Variants in TTC39C observed in about 807,000 individuals in gnomAD.
TTC39C encodes the protein tetratricopeptide repeat protein 39C.
A neutral mutation model predicts 76.3 loss-of-function variants in TTC39C; 33 were observed. The ratio of observed to expected loss-of-function variants is 0.43; its 90% CI spans 0.33 to 0.58. TTC39C has a LOEUF of 0.58. TTC39C is among the 20% of genes least tolerant of loss of function. The pLI, the probability that TTC39C is intolerant of heterozygous loss-of-function variation, is 0.04. For synonymous variants in TTC39C, 254 were observed against 260.6 expected (o/e 0.97, Z 0.24); for missense variants, 595 against 701.4 (o/e 0.85, Z 1.71).
intron 1 of TTC39C, among the ~76,000 whole-genome samples, chr18:24,039,719 G>A (rs1647128804): frequency 6.6e-6 from 1 of 152,200 alleles, no homozygotes; most frequent in African/African-American, 2.4e-5. Flanking sequence ...AAGCCTGGAG[G>A]AAAGAAAACA....
chr18:24,123,805 T>C, intron 8 of TTC39C, 29 bp from the exon 9 acceptor site: 1 of 1,547,832 alleles, frequency 6.5e-7, no homozygotes. Context: ...TGACTTGTAC[T>C]TAAGAAATAT....
rs2084917737 is a variant in TTC39C, at chr18:24,118,006, T to C, written c.1079-119T>C. On this transcript the variant is annotated intron_variant, in intron 7 of 13. Transcript: ENST00000317571. ...TTCTTAGGTTTTCAGGTTAAACTTT[T>C]TTACGCATTTCATAGAACATGCACA... is the stretch of plus-strand genomic sequence containing the variant. 3 of 671,878 alleles carry C rather than the reference T, an allele frequency of 4.5e-6. No individual in the cohort carries two copies. The East Asian group carries it at 9.3e-5, about 21-fold the overall frequency. The allele number at this position is 671,878 out of a possible 1,614,324, so 41.6% of individuals were successfully genotyped here. A position where few individuals can be genotyped will look rare whatever the true frequency, so the allele number is the denominator to read the frequency against.
intron 1 of TTC39C, among the ~76,000 whole-genome samples, chr18:24,031,913 C>T (rs947035723): frequency 3.9e-5 from 6 of 151,962 alleles, no homozygotes; most frequent in African/African-American, 9.7e-5. Flanking sequence ...GGGATTATCC[C>T]GGATTATCTC....
intron 1 of TTC39C, among the ~76,000 whole-genome samples, chr18:24,028,912 G>A (rs768287768): frequency 4.0e-5 from 6 of 151,824 alleles, no homozygotes; most frequent in African/African-American, 1.5e-4. Context: ...TAGTAGAGAC[G>A]GGGTTTCACC....
At chr18:24,007,922 G>C (rs2083366784) in intron 1 of TTC39C, among the ~76,000 whole-genome samples, 1 of 152,084 alleles carries the variant, frequency 6.6e-6, no homozygotes, top group Admixed American at 6.5e-5. Flanking sequence ...AAATTGTATA[G>C]GTTCTAATAA....
chr18:24,046,002 A>C (rs975387630), intron 1 of TTC39C, among the ~76,000 whole-genome samples: 4 of 131,470 alleles, frequency 3.0e-5, no homozygotes, highest in Non-Finnish European at 1.5e-5. Flanking sequence ...GCGACGGCAC[A>C]ATCTCTGCTC....
At chr18:24,056,933 T>C (rs2084023924) in intron 1 of TTC39C, among the ~76,000 whole-genome samples, 1 of 152,178 alleles carries the variant, frequency 6.6e-6, no homozygotes, top group African/African-American at 2.4e-5. Flanking sequence ...TCCTCCTGCC[T>C]CAGCCTCCGG....
intron 6 of TTC39C, among the ~76,000 whole-genome samples, chr18:24,103,251 A>T (rs146237223): frequency 8.9e-4 from 135 of 152,380 alleles, no homozygotes; most frequent in African/African-American, 3.0e-3. Context: ...AACGTCTTGC[A>T]TTCCAGAAAT....
intron 1 of TTC39C, among the ~76,000 whole-genome samples, chr18:24,004,512 CTCCTT>C (rs1261933920): frequency 6.6e-6 from 1 of 152,158 alleles, no homozygotes; most frequent in African/African-American, 2.4e-5. Flanking sequence ...TGTCCACATC[CTCCTT>C]CCATCCTTAG....
At chr18:24,045,575 T>C (rs2083858675) in intron 1 of TTC39C, among the ~76,000 whole-genome samples, 3 of 150,278 alleles carry the variant, frequency 2.0e-5, no homozygotes, top group Admixed American at 6.6e-5. Flanking sequence ...ATTTCTACTC[T>C]GGAACGTAAA....
chr18:24,061,593 T>TG (rs1344347027), intron 1 of TTC39C, among the ~76,000 whole-genome samples: 3,538 of 95,716 alleles, frequency 0.037, 91 homozygotes, highest in South Asian at 0.14. Flanking sequence ...TTGAAATAAG[T>TG]AAAAAAAAAA....
intron 5 of TTC39C, 94 bp from the exon 6 acceptor site, chr18:24,082,819 A>G: frequency 7.8e-7 from 1 of 1,276,696 alleles, no homozygotes; most frequent in Non-Finnish European, 1.1e-6. Flanking sequence ...TTTTGGATAG[A>G]GTAGTATTGG....
intron 12 of TTC39C, among the ~76,000 whole-genome samples, chr18:24,131,351 A>C (rs570469217): frequency 4.9e-4 from 75 of 152,242 alleles, no homozygotes; most frequent in African/African-American, 1.8e-3. Flanking sequence ...TAGACTATGA[A>C]AAATTATTTA....
intron 1 of TTC39C, among the ~76,000 whole-genome samples, chr18:23,993,242 A>G (rs908909656): frequency 6.6e-6 from 1 of 152,264 alleles, no homozygotes; most frequent in African/African-American, 2.4e-5. Flanking sequence ...ATGGATTTCC[A>G]TAAAAACGTG....
At chr18:24,060,313 GTTTTTTTTTTTTT>G (rs1294806136) in intron 1 of TTC39C, among the ~76,000 whole-genome samples, 2 of 89,242 alleles carry the variant, frequency 2.2e-5, no homozygotes, top group Non-Finnish European at 4.2e-5. Context: ...TTGCGTTTCT[GTTTTTTTTTTTTT>G]TTTTTTTTTG....
chr18:24,023,944 ATGCATG>A (rs146764992), intron 1 of TTC39C, among the ~76,000 whole-genome samples: 10,418 of 23,124 alleles, frequency 0.45, 1,335 homozygotes, highest in East Asian at 0.67. Flanking sequence ...ATATATATAT[ATGCATG>A]TATATATATA....
intron 1 of TTC39C, among the ~76,000 whole-genome samples, chr18:24,023,964 A>ATCTATATCTATATC (rs1599245860): frequency 2.0e-4 from 2 of 10,198 alleles, no homozygotes; most frequent in Non-Finnish European, 5.1e-4. Flanking sequence ...ATATATATAT[A>ATCTATATCTATATC]TATATATATA....
chr18:24,045,892 AATATATATATATATATATATATAT>A (rs1212560698), intron 1 of TTC39C, among the ~76,000 whole-genome samples: 10 of 61,220 alleles, frequency 1.6e-4, no homozygotes, highest in African/African-American at 8.0e-4. Context: ...CTTCTGTGAA[AATATATATATATATATATATATAT>A]ATATATATAT....
At chr18:24,091,264 G>T (rs2084513428) in intron 6 of TTC39C, among the ~76,000 whole-genome samples, 1 of 152,172 alleles carries the variant, frequency 6.6e-6, no homozygotes, top group Admixed American at 6.5e-5. Flanking sequence ...ACCATCATGG[G>T]CTGTGTTGAA....
Sources: gnomAD v4.1 joint callset for allele counts (sites outside exome capture counted in the v4.1 genomes callset) on GRCh38, gnomAD v4.1.1 for gene constraint, MANE v1.5 for transcripts, NCBI Gene and HGNC (gene_info 2026-07-23, HGNC 2026-07-21) for gene names.